Variants in ZBTB46 observed in about 807,000 individuals in gnomAD.
The protein encoded by ZBTB46 is zinc finger and BTB domain containing 46, also known as zinc finger and BTB domain-containing protein 46.
A neutral mutation model predicts 44.1 loss-of-function variants in ZBTB46; 8 were observed. The observed-to-expected ratio is 0.18, with a 90% CI of 0.11 to 0.33. The LOEUF is 0.33. ZBTB46 is among the 10% of genes least tolerant of loss of function. The pLI, the probability that ZBTB46 is intolerant of heterozygous loss-of-function variation, is 1.00. For synonymous variants in ZBTB46, 409 were observed against 382.3 expected (o/e 1.07, Z -0.81); for missense variants, 651 against 847.7 (o/e 0.77, Z 2.88).
At chr20:63,764,963 G>A (rs1485761362) in intron 3 of ZBTB46, among the ~76,000 whole-genome samples, 2 of 148,414 alleles carry the variant, frequency 1.3e-5, no homozygotes, top group Non-Finnish European at 1.5e-5. Flanking sequence ...CTCTCACCCA[G>A]GCTGGAGTGC....
intron 2 of ZBTB46, among the ~76,000 whole-genome samples, chr20:63,788,849 T>C (rs2092536769): frequency 6.6e-6 from 1 of 151,156 alleles, no homozygotes; most frequent in Non-Finnish European, 1.5e-5. Context: ...TTTTTTTTTT[T>C]TTTGAGATGG....
At chr20:63,783,732 G>A (rs1039349606) in intron 2 of ZBTB46, among the ~76,000 whole-genome samples, 3 of 152,170 alleles carry the variant, frequency 2.0e-5, no homozygotes, top group Non-Finnish European at 2.9e-5. Flanking sequence ...CTGTGGGATC[G>A]GGGTGCGGAG....
intron 1 of ZBTB46, among the ~76,000 whole-genome samples, chr20:63,814,236 AAAAAAAAAAAAAGAAAAG>A (rs1280697577): frequency 6.6e-6 from 1 of 151,016 alleles, no homozygotes; most frequent in Non-Finnish European, 1.5e-5. Context: ...CCGTCTCAAA[AAAAAAAAAAAAAGAAAAG>A]AAAAAAAGAA....
At chr20:63,793,813 A>C (rs1371709313) in intron 1 of ZBTB46, among the ~76,000 whole-genome samples, 1 of 132,512 alleles carries the variant, frequency 7.5e-6, no homozygotes, top group Non-Finnish European at 1.6e-5. Flanking sequence ...CAATCCAATC[A>C]GGGCAGCTTA....
intron 3 of ZBTB46, chr20:63,775,295 A>C (rs185781576): frequency 0.012 from 2,366 of 192,778 alleles, 21 homozygotes; most frequent in Non-Finnish European, 0.019. Flanking sequence ...GAGCCTCAGC[A>C]CGAAGGCGAC....
At chr20:63,771,525 CG>C (rs2092372829) in intron 3 of ZBTB46, among the ~76,000 whole-genome samples, 1 of 152,140 alleles carries the variant, frequency 6.6e-6, no homozygotes, top group African/African-American at 2.4e-5. Flanking sequence ...TTCTCTCCCC[CG>C]ATCAGCGTCC....
intron 1 of ZBTB46, among the ~76,000 whole-genome samples, chr20:63,830,855 T>G (rs2092846591): frequency 3.7e-5 from 5 of 135,140 alleles, no homozygotes; most frequent in South Asian, 2.5e-4. Flanking sequence ...GCCGCCGGCC[T>G]GGGGGGCACC....
Position 63,773,230 on chromosome 20 carries a change from C to CTTT in ZBTB46, c.1222+2445_1222+2447dup, listed in dbSNP as rs745777313. 9.5e-4 allele frequency among the ~76,000 whole-genome samples: 127 copies of CTTT among 134,002 alleles called. 9 individuals carry two copies. The highest frequency in any genetic ancestry group is 1.3e-3 in the African/African-American group (44 of 34,696). 87.9% of individuals were successfully genotyped at this position (134,002 alleles called of 152,430 possible). A position where few individuals can be genotyped will look rare whatever the true frequency, so the allele number is the denominator to read the frequency against. On this transcript the variant is annotated intron_variant, in intron 3 of 4. Coordinates refer to ENST00000245663, the MANE Select transcript of ZBTB46 (RefSeq NM_001369741.1). The stretch of plus-strand genomic sequence containing the variant: ...AAATTGTTTCCCCTCAGTCCAATGG[C>CTTT]TTTTTTTTTTTTTTTTGAGACAGTG...
upstream of ZBTB46, among the ~76,000 whole-genome samples, chr20:63,831,886 G>T (rs1174836367): frequency 6.6e-6 from 1 of 151,726 alleles, no homozygotes; most frequent in African/African-American, 2.4e-5. Context: ...CGGAAAAGGC[G>T]CCCCCAAGGA....
intron 3 of ZBTB46, among the ~76,000 whole-genome samples, chr20:63,772,161 A>T (rs534189195): frequency 7.0e-4 from 106 of 151,898 alleles, no homozygotes; most frequent in African/African-American, 2.2e-3. Context: ...CACCCGGGTA[A>T]TTTTTTGTAT....
At chr20:63,784,107 AG>A (rs1285732107) in intron 2 of ZBTB46, among the ~76,000 whole-genome samples, 2 of 152,198 alleles carry the variant, frequency 1.3e-5, no homozygotes, top group Non-Finnish European at 2.9e-5. Context: ...GGAGAGAAAG[AG>A]GGAACACCAG....
chr20:63,833,316 G>A (rs2146126739), upstream of ZBTB46, among the ~76,000 whole-genome samples: 1 of 152,376 alleles, frequency 6.6e-6, no homozygotes, highest in East Asian at 1.9e-4. Flanking sequence ...TGAGGGCCGG[G>A]CGCGGTGTCT....
chr20:63,762,914 T>C (rs2092289974), intron 3 of ZBTB46, among the ~76,000 whole-genome samples: 4 of 152,164 alleles, frequency 2.6e-5, no homozygotes, highest in Admixed American at 2.0e-4. Flanking sequence ...CACGCTGGAG[T>C]ACAGTGGCAC....
At chr20:63,754,178 G>A (rs1056518058) in intron 3 of ZBTB46, among the ~76,000 whole-genome samples, 3 of 152,210 alleles carry the variant, frequency 2.0e-5, no homozygotes, top group Admixed American at 1.3e-4. Context: ...GTGTTCGGAC[G>A]CATGTCCCCG....
chr20:63,792,405 A>T (rs1252564146), intron 1 of ZBTB46, among the ~76,000 whole-genome samples: 1 of 143,988 alleles, frequency 6.9e-6, no homozygotes, highest in Non-Finnish European at 1.5e-5. Context: ...GAGCCCCCAC[A>T]TGCAGCCCTC....
intron 3 of ZBTB46, among the ~76,000 whole-genome samples, chr20:63,758,312 G>A (rs114542449): frequency 0.022 from 3,387 of 151,222 alleles, 137 homozygotes; most frequent in African/African-American, 0.078. Context: ...TATGCCCAGA[G>A]CCTGCTGAAA....
intron 4 of ZBTB46, among the ~76,000 whole-genome samples, chr20:63,750,998 G>A (rs1015868692): frequency 6.6e-6 from 1 of 152,176 alleles, no homozygotes; most frequent in African/African-American, 2.4e-5. Flanking sequence ...TTACTGAGAG[G>A]TTAATACGGA....
chr20:63,827,129 C>T (rs945352628), intron 1 of ZBTB46, among the ~76,000 whole-genome samples: 10 of 152,196 alleles, frequency 6.6e-5, no homozygotes, highest in Non-Finnish European at 1.3e-4. Context: ...TCTTGCCAGC[C>T]TCTGCCAGCC....
chr20:63,825,261 C>T (rs1470544745), intron 1 of ZBTB46, among the ~76,000 whole-genome samples: 4 of 151,758 alleles, frequency 2.6e-5, no homozygotes, highest in East Asian at 1.9e-4. Context: ...ATTAGCCGGG[C>T]GTGGTGGCGG....
Sources: allele counts gnomAD v4.1 joint callset (sites outside exome capture counted in the v4.1 genomes callset), GRCh38; gene constraint gnomAD v4.1.1; transcripts MANE v1.5; gene names NCBI Gene and HGNC (gene_info 2026-07-23, HGNC 2026-07-21).